The following DSCAM variants were observed in gnomAD, a reference collection of about 807,000 sequenced individuals.
DSCAM encodes the protein cell adhesion molecule DSCAM.
A neutral mutation model predicts 217.7 loss-of-function variants in DSCAM; 47 were observed. The observed-to-expected ratio is 0.22, with a 90% confidence interval of 0.17 to 0.28. DSCAM has a LOEUF of 0.28. Ranked by LOEUF, DSCAM falls within the 10% of genes least tolerant of loss-of-function variation. The pLI is 1.00. For synonymous variants in DSCAM, 1,056 were observed against 1,015.3 expected (o/e 1.04, Z -0.76); for missense variants, 2,080 against 2,618.3 (o/e 0.79, Z 4.49).
At chr21:40,569,553 C>G (rs1235820539) in intron 3 of DSCAM, among the ~76,000 whole-genome samples, 1 of 152,178 alleles carries the variant, frequency 6.6e-6, no homozygotes, top group Non-Finnish European at 1.5e-5. Flanking sequence ...ACAGCCTGCC[C>G]TACGGATTTC....
chr21:40,174,386 T>A (rs1196257704), intron 15 of DSCAM, among the ~76,000 whole-genome samples: 1 of 152,106 alleles, frequency 6.6e-6, no homozygotes, highest in Non-Finnish European at 1.5e-5. Flanking sequence ...GTGGCAGCAA[T>A]CCCTTCCTCA....
intron 1 of DSCAM, among the ~76,000 whole-genome samples, chr21:40,796,603 C>T (rs902920646): frequency 1.3e-5 from 2 of 152,164 alleles, no homozygotes; most frequent in African/African-American, 4.8e-5. Flanking sequence ...GTTCTGCTGT[C>T]TCTGTCTTGC....
chr21:40,439,875 T>C (rs1029545590), intron 3 of DSCAM, among the ~76,000 whole-genome samples: 35 of 152,152 alleles, frequency 2.3e-4, no homozygotes, highest in Admixed American at 2.3e-3. Flanking sequence ...CCCCCATAAT[T>C]AAATTACCTC....
At chr21:40,302,269 G>A (rs2074025811) in intron 9 of DSCAM, among the ~76,000 whole-genome samples, 1 of 152,050 alleles carries the variant, frequency 6.6e-6, no homozygotes, top group African/African-American at 2.4e-5. Flanking sequence ...GGGATCCAGT[G>A]GGAAGTAATT....
intron 3 of DSCAM, among the ~76,000 whole-genome samples, chr21:40,427,374 C>T (rs923866159): frequency 2.6e-5 from 4 of 152,244 alleles, no homozygotes; most frequent in Non-Finnish European, 4.4e-5. Flanking sequence ...ATGGGCCATT[C>T]ATATACTGAC....
At chr21:40,526,713 C>T in intron 3 of DSCAM, among the ~76,000 whole-genome samples, 1 of 151,920 alleles carries the variant, frequency 6.6e-6, no homozygotes, top group Non-Finnish European at 1.5e-5. Flanking sequence ...CATTAGTTAG[C>T]TTGATTGTGG....
chr21:40,649,639 A>G (rs1165310188), intron 3 of DSCAM, among the ~76,000 whole-genome samples: 1 of 151,840 alleles, frequency 6.6e-6, no homozygotes, highest in Non-Finnish European at 1.5e-5. Flanking sequence ...AGGGGTGGAA[A>G]AAAACATGCC....
At chr21:40,199,505 T>A (rs963540610) in intron 11 of DSCAM, among the ~76,000 whole-genome samples, 1 of 152,192 alleles carries the variant, frequency 6.6e-6, no homozygotes, top group Non-Finnish European at 1.5e-5. Context: ...ATCCTTTGGG[T>A]ATATAACCAG....
At chr21:40,395,067 T>C (rs1184749022) in intron 3 of DSCAM, among the ~76,000 whole-genome samples, 1 of 152,218 alleles carries the variant, frequency 6.6e-6, no homozygotes, top group South Asian at 2.1e-4. Flanking sequence ...GTCAGTGTAA[T>C]TGACGAAAAA....
In DSCAM at chr21:40,276,123, C is replaced by T. The variant is rs756353534; in HGVS notation, c.2330G>A (p.Ser777Asn). The T allele has an allele frequency of 6.2e-7, 1 of 1,601,936 alleles. No homozygotes were observed. The highest frequency in any genetic ancestry group is 8.5e-7 in the Non-Finnish European group (1 of 1,175,178). Residue 777 changes from serine (S) to asparagine (N), a missense_variant, in exon 11 of 33, where the codon AGC becomes AAC. Physicochemically the swap from Ser to Asn is conservative, Grantham distance 46 (BLOSUM62 1). Around this residue, in one of 5 missense-constraint regions of DSCAM, gnomAD observed 218 missense variants for 364.1 expected, o/e 0.60. Transcript: ENST00000400454. ...TTTAACCGTGAGGTACATGGACTTG[C>T]TGACGTCTGCGCCCACATCGTTGCT... ...KVSNDVGADVSKSMYLTVKIP... is the reference protein window; with the variant it reads ...KVSNDVGADVNKSMYLTVKIP...
intron 22 of DSCAM, 96 bp from the exon 23 acceptor site, chr21:40,085,861 C>A: frequency 9.0e-7 from 1 of 1,112,538 alleles, no homozygotes; most frequent in Non-Finnish European, 1.2e-6. Context: ...AAGCAAACCA[C>A]ACATTTGGAA....
chr21:40,255,266 G>A (rs1449714454), intron 11 of DSCAM, among the ~76,000 whole-genome samples: 1 of 152,110 alleles, frequency 6.6e-6, no homozygotes. Context: ...TTTTTGTGGT[G>A]TGATTCATGA....
intron 26 of DSCAM, among the ~76,000 whole-genome samples, chr21:40,077,945 G>A (rs2251927): frequency 0.2 from 30,936 of 152,144 alleles, 4,823 homozygotes; most frequent in African/African-American, 0.43. Flanking sequence ...GCCCGCTGCT[G>A]CTGGGACTTT....
intron 3 of DSCAM, among the ~76,000 whole-genome samples, chr21:40,590,817 C>T (rs2837730): frequency 0.46 from 69,536 of 151,902 alleles, 16,590 homozygotes; most frequent in Admixed American, 0.55. Context: ...TCTAAACCAT[C>T]TGGTTATCAT....
At chr21:40,698,685 C>T (rs781401137) in intron 2 of DSCAM, among the ~76,000 whole-genome samples, 1 of 152,120 alleles carries the variant, frequency 6.6e-6, no homozygotes, top group Non-Finnish European at 1.5e-5. Flanking sequence ...GCCTGGCCAA[C>T]ATGGTGAAAC....
At chr21:40,482,883 C>A (rs974082795) in intron 3 of DSCAM, among the ~76,000 whole-genome samples, 3 of 152,186 alleles carry the variant, frequency 2.0e-5, no homozygotes, top group Admixed American at 6.5e-5. Context: ...TGTGCTTGAA[C>A]ATGAGGTGAC....
chr21:40,669,314 T>C (rs1050546082), intron 3 of DSCAM, among the ~76,000 whole-genome samples: 1 of 152,158 alleles, frequency 6.6e-6, no homozygotes, highest in Non-Finnish European at 1.5e-5. Flanking sequence ...AAGCTCCTTA[T>C]ATCTAGGAGA....
At chr21:40,527,891 C>T (rs182942417) in intron 3 of DSCAM, among the ~76,000 whole-genome samples, 51 of 152,226 alleles carry the variant, frequency 3.4e-4, no homozygotes, top group East Asian at 1.5e-3. Context: ...GAAGACCACC[C>T]GCCTCATAGC....
At chr21:40,219,524 G>A (rs2091272143) in intron 11 of DSCAM, among the ~76,000 whole-genome samples, 1 of 152,092 alleles carries the variant, frequency 6.6e-6, no homozygotes, top group South Asian at 2.1e-4. Flanking sequence ...TTATTTTAAA[G>A]TTCTGTCTTG....
Sources: gnomAD v4.1 joint callset for allele counts (sites outside exome capture counted in the v4.1 genomes callset) on GRCh38, gnomAD v4.1.1 for gene constraint, gnomAD v4.1.1 regional missense constraint, MANE v1.5 for transcripts, NCBI Gene and HGNC (gene_info 2026-07-23, HGNC 2026-07-21) for gene names.